Variants in CCDC25 observed in about 807,000 individuals in gnomAD.
CCDC25 encodes the protein coiled-coil domain containing 25.
In CCDC25, 16 loss-of-function variants were observed where a neutral mutation model predicts 35.3. The observed-to-expected ratio is 0.45, with a 90% CI of 0.31 to 0.69. The LOEUF is 0.69. CCDC25 is among the 30% of genes least tolerant of loss of function. The pLI, the probability that CCDC25 is intolerant of heterozygous loss-of-function variation, is 0.06. For missense variants in CCDC25, 179 were observed against 250.7 expected, an observed-to-expected ratio of 0.71 and a Z score of 1.93; for synonymous variants, 79 against 80.3, an observed-to-expected ratio of 0.98 and a Z score of 0.09.
Position 27,735,729 on chromosome 8 carries a change from ATC to A in CCDC25, c.*485_*486del. On this transcript the variant is annotated 3_prime_UTR_variant, in exon 9 of 9. Coordinates refer to ENST00000356537, the MANE Select transcript of CCDC25 (RefSeq NM_018246.3). ...ACTGAAGCTGACAATCTTCTGAAAA[ATC>A]TCTTTTTCAAAACCCATACGCCTAA... The A allele has an allele frequency of 6.5e-6, 1 of 154,128 alleles. No homozygotes were observed. Among genetic ancestry groups the A allele is most frequent in the South Asian group, 2.0e-4 (1 of 4,916 alleles). 9.5% of individuals were successfully genotyped at this position (154,128 alleles called of 1,614,324 possible).
chr8:27,739,332 A>G (rs1756678863), intron 8 of CCDC25, among the ~76,000 whole-genome samples: 1 of 152,202 alleles, frequency 6.6e-6, no homozygotes, highest in African/African-American at 2.4e-5. Flanking sequence ...AAATTTTTAG[A>G]AGAATATGTA....
At chr8:27,755,674 A>C (rs1327836019) in intron 4 of CCDC25, among the ~76,000 whole-genome samples, 1 of 152,232 alleles carries the variant, frequency 6.6e-6, no homozygotes, top group Non-Finnish European at 1.5e-5. Flanking sequence ...GTCATCAATG[A>C]TAAGTCACGG....
At chr8:27,739,085 A>G (rs1278076266) in intron 8 of CCDC25, among the ~76,000 whole-genome samples, 2 of 152,214 alleles carry the variant, frequency 1.3e-5, no homozygotes, top group Non-Finnish European at 2.9e-5. Flanking sequence ...TGACTTTATT[A>G]GGATCTAACC....
chr8:27,747,930 T>TA (rs964588265), intron 7 of CCDC25, 147 bp downstream of exon 7: 9 of 710,144 alleles, frequency 1.3e-5, no homozygotes, highest in African/African-American at 1.1e-4. Context: ...TGCCTTTTTT[T>TA]AAAAAACTGA....
At chr8:27,754,958 C>A (rs1803946410) in intron 4 of CCDC25, among the ~76,000 whole-genome samples, 1 of 152,144 alleles carries the variant, frequency 6.6e-6, no homozygotes, top group Non-Finnish European at 1.5e-5. Flanking sequence ...CCTTCTCTGT[C>A]AGCTCAGAGG....
In CCDC25 at chr8:27,737,880, ACACT is replaced by A. The variant is rs1186627231; in HGVS notation, c.598-1639_598-1636del. Among the ~76,000 whole-genome samples the A allele has an allele frequency of 2.4e-3, 314 of 129,816 alleles. No individual in the cohort carries two copies. The highest frequency in any genetic ancestry group is 5.6e-3 in the African/African-American group (203 of 36,114). The allele number at this position is 129,816 out of a possible 152,430, so 85.2% of individuals were successfully genotyped here. A position where few individuals can be genotyped will look rare whatever the true frequency, so the allele number is the denominator to read the frequency against. On this transcript the variant is annotated intron_variant, in intron 8 of 8. Coordinates refer to ENST00000356537, the MANE Select transcript of CCDC25 (RefSeq NM_018246.3). This position sits in a 1 kb window ranked among gnomAD's most constrained non-coding sequence, Gnocchi z 4.6. ...AAGAAACTGTGGTGTGTGTATACACACACTCACACACACACACACACACACACAC... is the reference window on the plus strand; with the variant it reads ...AAGAAACTGTGGTGTGTGTATACACACACACACACACACACACACACACAC...
chr8:27,765,765 T>C (rs1031745434), intron 1 of CCDC25, among the ~76,000 whole-genome samples: 1 of 152,216 alleles, frequency 6.6e-6, no homozygotes, highest in Non-Finnish European at 1.5e-5. Context: ...AGGCTCTCTA[T>C]CACATTCAGG....
intron 7 of CCDC25, among the ~76,000 whole-genome samples, chr8:27,745,820 T>C (rs934345988): frequency 6.6e-6 from 1 of 152,218 alleles, no homozygotes; most frequent in Non-Finnish European, 1.5e-5. Context: ...TTAACGGAAA[T>C]AAACATAGCA....
intron 3 of CCDC25, among the ~76,000 whole-genome samples, chr8:27,757,288 A>G (rs932259006): frequency 1.3e-5 from 2 of 152,224 alleles, no homozygotes; most frequent in Admixed American, 6.5e-5. Context: ...TTCAAGTTAT[A>G]GCAAAACAAT....
At chr8:27,772,241 A>G (rs1157240536) in intron 1 of CCDC25, among the ~76,000 whole-genome samples, 1 of 152,190 alleles carries the variant, frequency 6.6e-6, no homozygotes, top group African/African-American at 2.4e-5. Flanking sequence ...GAGTGACGGG[A>G]CGTCTTTCCG....
intron 7 of CCDC25, among the ~76,000 whole-genome samples, chr8:27,746,038 A>G (rs1202841164): frequency 6.6e-6 from 1 of 152,220 alleles, no homozygotes; most frequent in African/African-American, 2.4e-5. Context: ...TTGGTGGACA[A>G]ATTTTGTTTA....
intron 8 of CCDC25, among the ~76,000 whole-genome samples, chr8:27,738,478 G>A (rs892792003): frequency 1.3e-5 from 2 of 152,128 alleles, no homozygotes; most frequent in Admixed American, 1.3e-4. Flanking sequence ...AACAGAGGGA[G>A]AGTTAGGGTA....
chr8:27,744,002 C>G (rs1803523297), intron 7 of CCDC25, among the ~76,000 whole-genome samples: 1 of 152,208 alleles, frequency 6.6e-6, no homozygotes, highest in South Asian at 2.1e-4. Context: ...ACTTTTGAAG[C>G]AAAAATTGTA....
At position 27,759,180 on chromosome 8, in the gene CCDC25, A is replaced by G. The variant is rs965989051; in HGVS notation, c.117-2410T>C. On this transcript the variant is annotated intron_variant, in intron 3 of 8. Transcript: ENST00000356537. ...CAGAAGCTTCACTAAATAAGCATCAACTGTCTGAGGATACAGATTCAGGGC... is the reference window on the plus strand; with the variant it reads ...CAGAAGCTTCACTAAATAAGCATCAGCTGTCTGAGGATACAGATTCAGGGC... Among the ~76,000 whole-genome samples, 3 of 152,204 alleles carry G rather than the reference A, an allele frequency of 2.0e-5. No individual in the cohort carries two copies. In the East Asian group the frequency reaches 5.8e-4, roughly 29 times the overall value.
chr8:27,747,453 TACAGAC>T (rs1405617010), intron 7 of CCDC25, among the ~76,000 whole-genome samples: 39 of 152,198 alleles, frequency 2.6e-4, no homozygotes, highest in Non-Finnish European at 5.1e-4. Context: ...ACTTCTAATC[TACAGAC>T]AATAAATGTG....
chr8:27,770,793 T>C (rs1007832615), intron 1 of CCDC25, among the ~76,000 whole-genome samples: 2 of 150,110 alleles, frequency 1.3e-5, no homozygotes, highest in African/African-American at 4.9e-5. Flanking sequence ...AACAAGCATA[T>C]AGAGTAGCAA....
chr8:27,762,896 AT>A (rs1249000932), intron 2 of CCDC25, among the ~76,000 whole-genome samples: 1 of 152,168 alleles, frequency 6.6e-6, no homozygotes, highest in Admixed American at 6.5e-5. Context: ...CAAAACAAAC[AT>A]TAGAAGTATA....
At chr8:27,743,285 C>A (rs12334989) in intron 7 of CCDC25, among the ~76,000 whole-genome samples, 63,292 of 152,134 alleles carry the variant, frequency 0.42, 13,907 homozygotes, top group Middle Eastern at 0.51. Flanking sequence ...CACACCCACT[C>A]TGGTTCCCTT....
intron 4 of CCDC25, 67 bp from the exon 5 acceptor site, chr8:27,752,654 G>T: frequency 8.3e-7 from 1 of 1,204,344 alleles, no homozygotes. Context: ...GCACTCAAAG[G>T]GCATTTGCTG....
Sources: allele counts gnomAD v4.1 joint callset (sites outside exome capture counted in the v4.1 genomes callset), GRCh38; gene constraint gnomAD v4.1.1; non-coding constraint Gnocchi (gnomAD v3.1); transcripts MANE v1.5; gene names NCBI Gene and HGNC (gene_info 2026-07-23, HGNC 2026-07-21).